MCC: variants seen among roughly 807,000 people sequenced by gnomAD.
MCC encodes the protein colorectal mutant cancer protein.
MCC carries 90 observed loss-of-function variants against 116.2 expected under a neutral mutation model. That is an observed-to-expected ratio of 0.77 (90% CI 0.65 to 0.92). The LOEUF (loss-of-function observed/expected upper bound fraction) is 0.92, where lower values mean the gene tolerates loss of function less well. MCC is among the 40% of genes least tolerant of loss of function. The pLI is 0.00. For missense variants in MCC, 1,516 were observed against 1,312.2 expected (o/e 1.16, Z -2.40); for synonymous variants, 578 against 510.5 (o/e 1.13, Z -1.78).
At chr5:113,206,577 T>C (rs1455805040) in intron 3 of MCC, among the ~76,000 whole-genome samples, 1 of 152,068 alleles carries the variant, frequency 6.6e-6, no homozygotes, top group East Asian at 1.9e-4. Flanking sequence ...GGCATGGTGG[T>C]TCATGCCTGT....
At chr5:113,100,118 A>G (rs772954558) in intron 8 of MCC, among the ~76,000 whole-genome samples, 57 of 152,348 alleles carry the variant, frequency 3.7e-4, no homozygotes, top group Non-Finnish European at 7.2e-4. Flanking sequence ...AAATATGCTT[A>G]TGCACGTGAG....
intron 3 of MCC, among the ~76,000 whole-genome samples, chr5:113,244,509 A>C (rs1764498484): frequency 6.6e-6 from 1 of 152,238 alleles, no homozygotes; most frequent in Non-Finnish European, 1.5e-5. Context: ...TAGACGTTCC[A>C]GCTTTAAAAA....
At chr5:113,157,274 T>C (rs1760223525) in intron 3 of MCC, among the ~76,000 whole-genome samples, 1 of 152,362 alleles carries the variant, frequency 6.6e-6, no homozygotes, top group South Asian at 2.1e-4. Flanking sequence ...GCCAGGACTC[T>C]GTGGCCTAAG....
At chr5:113,305,027 T>C (rs912492369) in intron 3 of MCC, among the ~76,000 whole-genome samples, 1 of 151,508 alleles carries the variant, frequency 6.6e-6, no homozygotes, top group Non-Finnish European at 1.5e-5. Context: ...AAAATGAGTA[T>C]GATATGATGC....
intron 3 of MCC, among the ~76,000 whole-genome samples, chr5:113,196,233 A>T (rs1024502514): frequency 9.9e-5 from 15 of 152,128 alleles, no homozygotes; most frequent in African/African-American, 3.1e-4. Context: ...TGGGTTTTAG[A>T]AGCATTGCTG....
intron 1 of MCC, among the ~76,000 whole-genome samples, chr5:113,449,021 A>G (rs1771304369): frequency 6.6e-6 from 1 of 152,238 alleles, no homozygotes; most frequent in African/African-American, 2.4e-5. Context: ...ATTTACTATT[A>G]ACCTTCAGTC....
In MCC at chr5:113,101,776, T is replaced by A; in HGVS notation, c.1361A>T (p.Asn454Ile). Reference sequence around the variant, plus strand: ...CCGGTCCCGCTCTTCCCGGATGGCATTCATGGTGGCCTTAGTCCGGTTCAG... The same window carrying A: ...CCGGTCCCGCTCTTCCCGGATGGCAATCATGGTGGCCTTAGTCCGGTTCAG... ...EELNRTKATM[N>I]AIREERDRLR... Residue 454 changes from asparagine (N) to isoleucine (I), a missense_variant, in exon 8 of 19, where the codon AAT becomes ATT. Coordinates refer to ENST00000408903, the MANE Select transcript of MCC (RefSeq NM_001085377.2). 2 of 1,613,448 alleles carry A rather than the reference T, an allele frequency of 1.2e-6. No individual in the cohort carries two copies. Among genetic ancestry groups the A allele is most frequent in the Non-Finnish European group, 1.7e-6 (2 of 1,179,982 alleles).
chr5:113,336,013 T>C (rs1054658457), intron 3 of MCC, among the ~76,000 whole-genome samples: 1 of 151,616 alleles, frequency 6.6e-6, no homozygotes, highest in African/African-American at 2.4e-5. Context: ...AATATTAAGG[T>C]GCTGGCATCT....
intron 3 of MCC, among the ~76,000 whole-genome samples, chr5:113,278,120 C>T (rs1239020798): frequency 6.6e-6 from 1 of 152,120 alleles, no homozygotes; most frequent in Non-Finnish European, 1.5e-5. Context: ...ACAACATGGT[C>T]TGAGAAAGGA....
At chr5:113,145,188 T>C (rs1183307993) in intron 4 of MCC, among the ~76,000 whole-genome samples, 3 of 152,230 alleles carry the variant, frequency 2.0e-5, no homozygotes, top group Admixed American at 2.0e-4. Context: ...TGTTAGCCTC[T>C]GTTCCCAACC....
intron 3 of MCC, among the ~76,000 whole-genome samples, chr5:113,252,967 T>C (rs943156586): frequency 7.2e-5 from 11 of 152,230 alleles, no homozygotes; most frequent in Non-Finnish European, 1.6e-4. Flanking sequence ...AAAGCCTTAT[T>C]TTCCCCTGCA....
intron 1 of MCC, among the ~76,000 whole-genome samples, chr5:113,422,764 AG>A (rs1268082398): frequency 1.3e-5 from 2 of 152,194 alleles, no homozygotes; most frequent in African/African-American, 4.8e-5. Flanking sequence ...ATGGCATCGG[AG>A]ATAAATAGGA....
At chr5:113,449,211 A>T (rs758705746) in intron 1 of MCC, among the ~76,000 whole-genome samples, 11 of 152,222 alleles carry the variant, frequency 7.2e-5, no homozygotes, top group Admixed American at 2.0e-4. Context: ...AGCACCAGGG[A>T]TTTAAGTGAA....
At chr5:113,272,764 G>C (rs1375947243) in intron 3 of MCC, among the ~76,000 whole-genome samples, 1 of 152,188 alleles carries the variant, frequency 6.6e-6, no homozygotes, top group Non-Finnish European at 1.5e-5. Flanking sequence ...AAATGAATAT[G>C]ATAATGCTTG....
intron 3 of MCC, among the ~76,000 whole-genome samples, chr5:113,165,395 A>G (rs753955046): frequency 1.3e-5 from 2 of 152,192 alleles, no homozygotes; most frequent in African/African-American, 4.8e-5. Context: ...ACATTGTATC[A>G]CATATTGTCT....
At chr5:113,253,722 G>A (rs1409863670) in intron 3 of MCC, among the ~76,000 whole-genome samples, 1 of 152,106 alleles carries the variant, frequency 6.6e-6, no homozygotes, top group Non-Finnish European at 1.5e-5. Context: ...TCCCAGAGAA[G>A]ACAGAGATCA....
intron 6 of MCC, among the ~76,000 whole-genome samples, chr5:113,111,940 G>A (rs541674589): frequency 2.0e-5 from 3 of 152,216 alleles, no homozygotes; most frequent in East Asian, 1.9e-4. Flanking sequence ...CATTAACTAC[G>A]GCAGAGTTGG....
intron 8 of MCC, among the ~76,000 whole-genome samples, chr5:113,091,716 T>TACA (rs546503913): frequency 5.2e-4 from 79 of 152,044 alleles, no homozygotes; most frequent in South Asian, 2.1e-3. Context: ...ACCCTGTCTC[T>TACA]ACAACAACAA....
intron 17 of MCC, among the ~76,000 whole-genome samples, chr5:113,040,655 G>T (rs2150213577): frequency 6.6e-6 from 1 of 152,260 alleles, no homozygotes; most frequent in Admixed American, 6.5e-5. Flanking sequence ...CAGCCCTGAG[G>T]TGTGTATATT....
Sources: gnomAD v4.1 joint callset for allele counts (sites outside exome capture counted in the v4.1 genomes callset) on GRCh38, gnomAD v4.1.1 for gene constraint, MANE v1.5 for transcripts, NCBI Gene and HGNC (gene_info 2026-07-23, HGNC 2026-07-21) for gene names.